Variants in NSMCE2 observed in about 807,000 individuals in gnomAD.
NSMCE2 encodes the protein E3 SUMO-protein ligase NSE2.
A neutral mutation model predicts 23.8 loss-of-function variants in NSMCE2; 24 were observed. The ratio of observed to expected loss-of-function variants is 1.01; its 90% CI spans 0.73 to 1.42. The LOEUF is 1.42. Ranked by LOEUF, NSMCE2 falls within the 40% of genes most tolerant of loss-of-function variation. The pLI, the probability that NSMCE2 is intolerant of heterozygous loss-of-function variation, is 0.00. For missense variants in NSMCE2, 284 were observed against 296.5 expected (o/e 0.96, Z 0.31); for synonymous variants, 92 against 94.1 (o/e 0.98, Z 0.13).
chr8:125,188,749 A>G (rs1823218475), intron 5 of NSMCE2, among the ~76,000 whole-genome samples: 1 of 152,192 alleles, frequency 6.6e-6, no homozygotes, highest in Non-Finnish European at 1.5e-5. Context: ...GATACTGCGA[A>G]CTAAGGCCAA....
intron 5 of NSMCE2, among the ~76,000 whole-genome samples, chr8:125,287,104 GA>G (rs1456816403): frequency 1.3e-5 from 2 of 152,172 alleles, no homozygotes; most frequent in African/African-American, 4.8e-5. Context: ...GGCTGAGGGG[GA>G]CAGATCACTT....
chr8:125,129,576 G>GTGTC (rs1819660089), intron 3 of NSMCE2, among the ~76,000 whole-genome samples: 1 of 151,402 alleles, frequency 6.6e-6, no homozygotes, highest in African/African-American at 2.4e-5. Context: ...GTGTGTGTGT[G>GTGTC]TGTCTGTGTG....
intron 5 of NSMCE2, among the ~76,000 whole-genome samples, chr8:125,280,047 A>T (rs1196989761): frequency 6.6e-6 from 1 of 152,206 alleles, no homozygotes; most frequent in Non-Finnish European, 1.5e-5. Flanking sequence ...TTATGTTCTC[A>T]TCTAGTGGTT....
chr8:125,271,634 A>C (rs80081684), intron 5 of NSMCE2, among the ~76,000 whole-genome samples: 339 of 152,282 alleles, frequency 2.2e-3, no homozygotes, highest in African/African-American at 7.7e-3. Context: ...TGGCCCCTTA[A>C]AACTGAGACC....
rs141001460 is a variant in NSMCE2, at chr8:125,312,657, G to A, written c.419-44562G>A. ...TAAATAAACAAATAAATAAATAAAT[G>A]TGTTGCATCTGCAGTGCCACTAGAA... On this transcript the variant is annotated intron_variant, in intron 5 of 7. Transcript: ENST00000287437. Among the ~76,000 whole-genome samples, 37 of 152,250 alleles carry A rather than the reference G, an allele frequency of 2.4e-4. No homozygotes were observed. The East Asian group carries it at 6.7e-3, about 28-fold the overall frequency.
intron 4 of NSMCE2, among the ~76,000 whole-genome samples, chr8:125,159,417 G>A (rs1282947244): frequency 2.0e-5 from 3 of 152,096 alleles, no homozygotes; most frequent in African/African-American, 7.2e-5. Context: ...TACATAAATA[G>A]TTGTCATGTT....
chr8:125,211,246 A>G (rs1046818372), intron 5 of NSMCE2, among the ~76,000 whole-genome samples: 2 of 152,180 alleles, frequency 1.3e-5, no homozygotes, highest in Admixed American at 6.5e-5. Flanking sequence ...GCAAAAGACT[A>G]TGGTGAAAAG....
At chr8:125,123,895 A>G (rs945466798) in intron 3 of NSMCE2, among the ~76,000 whole-genome samples, 1 of 152,228 alleles carries the variant, frequency 6.6e-6, no homozygotes, top group Non-Finnish European at 1.5e-5. Flanking sequence ...GGTGACAATA[A>G]CAACTTTATT....
At chr8:125,341,895 T>C (rs1472764224) in intron 5 of NSMCE2, among the ~76,000 whole-genome samples, 1 of 25,996 alleles carries the variant, frequency 3.8e-5, no homozygotes, top group African/African-American at 1.8e-4. Flanking sequence ...GATCTAGAAA[T>C]GGAAAAAAAA....
At chr8:125,333,505 CT>C (rs71295847) in intron 5 of NSMCE2, among the ~76,000 whole-genome samples, 340 of 45,596 alleles carry the variant, frequency 7.5e-3, no homozygotes, top group Non-Finnish European at 8.9e-3. Flanking sequence ...CCTGGTGGTT[CT>C]TTTTTTTTTT....
intron 3 of NSMCE2, among the ~76,000 whole-genome samples, chr8:125,136,784 G>T (rs1820090255): frequency 6.6e-6 from 1 of 152,024 alleles, no homozygotes; most frequent in African/African-American, 2.4e-5. Context: ...TTTTCAATAG[G>T]AAGCTTTTAA....
chr8:125,094,098 C>T (rs1817815342), intron 1 of NSMCE2, among the ~76,000 whole-genome samples: 2 of 152,054 alleles, frequency 1.3e-5, no homozygotes. Flanking sequence ...GCCACCACAC[C>T]CAGCCTGAAC....
At chr8:125,207,902 T>C (rs1230053246) in intron 5 of NSMCE2, among the ~76,000 whole-genome samples, 1 of 152,208 alleles carries the variant, frequency 6.6e-6, no homozygotes, top group Non-Finnish European at 1.5e-5. Context: ...GAAGAGCTCT[T>C]GAGGCCTGGA....
At chr8:125,261,278 G>A (rs1043034411) in intron 5 of NSMCE2, among the ~76,000 whole-genome samples, 3 of 152,166 alleles carry the variant, frequency 2.0e-5, no homozygotes, top group African/African-American at 7.2e-5. Context: ...GGAAAGAATG[G>A]AACAGTGATC....
chr8:125,255,057 C>T (rs999087285), intron 5 of NSMCE2, among the ~76,000 whole-genome samples: 5 of 152,088 alleles, frequency 3.3e-5, no homozygotes, highest in Admixed American at 2.6e-4. Context: ...GCGTCCACTT[C>T]CTGTCTCCTT....
intron 5 of NSMCE2, among the ~76,000 whole-genome samples, chr8:125,276,398 T>C (rs1228369467): frequency 1.3e-5 from 2 of 152,180 alleles, no homozygotes; most frequent in African/African-American, 4.8e-5. Flanking sequence ...TCTTCCTTAC[T>C]CCAGACTAAC....
intron 5 of NSMCE2, among the ~76,000 whole-genome samples, chr8:125,305,252 A>G (rs1447257762): frequency 3.3e-5 from 5 of 152,244 alleles, no homozygotes; most frequent in Admixed American, 6.5e-5. Flanking sequence ...AGTCATCATG[A>G]TAACCCTACG....
At chr8:125,125,537 G>A (rs189554153) in intron 3 of NSMCE2, among the ~76,000 whole-genome samples, 1 of 152,346 alleles carries the variant, frequency 6.6e-6, no homozygotes, top group East Asian at 1.9e-4. Context: ...AAACAGTGAA[G>A]GCACCATGGA....
At chr8:125,169,364 C>G (rs1822053000) in intron 4 of NSMCE2, among the ~76,000 whole-genome samples, 1 of 152,200 alleles carries the variant, frequency 6.6e-6, no homozygotes, top group African/African-American at 2.4e-5. Context: ...CTTAGAACCA[C>G]ACACATAAAC....
Sources: allele counts gnomAD v4.1 joint callset (sites outside exome capture counted in the v4.1 genomes callset), GRCh38; gene constraint gnomAD v4.1.1; transcripts MANE v1.5; gene names NCBI Gene and HGNC (gene_info 2026-07-23, HGNC 2026-07-21).